THBS3: variants seen among roughly 807,000 people sequenced by gnomAD.
THBS3 encodes the protein thrombospondin-3.
Under a neutral mutation model 118.3 loss-of-function variants are expected in THBS3, and 78 were observed. The observed-to-expected ratio is 0.66, with a 90% CI of 0.55 to 0.80. The LOEUF (loss-of-function observed/expected upper bound fraction) is 0.80, where lower values mean the gene tolerates loss of function less well. THBS3 is among the 30% of genes least tolerant of loss of function. The probability of loss-of-function intolerance (pLI) is 0.00; values close to 1 mark genes in which losing one functional copy is unlikely to be tolerated. For missense variants in THBS3, 1,057 were observed against 1,247.4 expected (o/e 0.85, Z 2.30); for synonymous variants, 427 against 475.3 (o/e 0.90, Z 1.32).
Position 155,201,506 on chromosome 1 carries a change from G to A in THBS3, c.1240C>T (p.Pro414Ser), listed in dbSNP as rs1669725573. 1 of 1,613,770 alleles carries A rather than the reference G, an allele frequency of 6.2e-7. No homozygotes were observed. The highest frequency in any genetic ancestry group is 8.5e-7 in the Non-Finnish European group (1 of 1,179,900). The change falls in exon 11 of 23, where the codon CCA becomes TCA. Residue 414 changes from proline to serine, a missense_variant. Physicochemically the swap from Pro to Ser is moderately conservative, Grantham distance 74 (BLOSUM62 -1). Coordinates refer to ENST00000368378, the MANE Select transcript of THBS3 (RefSeq NM_007112.5). ...GCTGGGCTGTGGCAGGTCCGGGCTG[G>A]GAGGCAGCCCTGGCTCTGGTTGCCC... ...FLGNQSQGCL[P>S]ARTCHSPAHS...
intron 14 of THBS3, 136 bp downstream of exon 14, chr1:155,200,315 A>C: frequency 8.7e-7 from 1 of 1,155,006 alleles, no homozygotes; most frequent in Non-Finnish European, 1.2e-6. Context: ...GCTGCAGGTA[A>C]TCTCTCCTCA....
intron 1 of THBS3, among the ~76,000 whole-genome samples, chr1:155,207,441 G>A (rs914149130): frequency 6.6e-6 from 1 of 151,992 alleles, no homozygotes; most frequent in African/African-American, 2.4e-5. Context: ...AGGAGCCCAG[G>A]GGGACGAAGC....
In THBS3 at chr1:155,197,602, G is replaced by C; in HGVS notation, c.2360C>G (p.Thr787Ser). Residue 787 changes from threonine to serine, a missense_variant, in exon 20 of 23, where the codon ACT (threonine) becomes AGT (serine). Physicochemically the swap from Thr to Ser is moderately conservative, Grantham distance 58. Around this residue, in one of 3 missense-constraint regions of THBS3, gnomAD observed 307 missense variants for 326.1 expected, o/e 0.94. Coordinates refer to ENST00000368378, the MANE Select transcript of THBS3 (RefSeq NM_007112.5). The surrounding 1 kb of genome is among the most constrained non-coding windows in gnomAD (Gnocchi z 5.0). ...FEGTFHVNTVTDDDYAGFLFS... is the reference protein window; with the variant it reads ...FEGTFHVNTVSDDDYAGFLFS... ...GAGAAAGCCTGCGTAGTCATCATCAGTCACTGTGTTCACATGGAAGGTGCC... is the reference window on the plus strand; with the variant it reads ...GAGAAAGCCTGCGTAGTCATCATCACTCACTGTGTTCACATGGAAGGTGCC... 6.2e-7 allele frequency: 1 copy of C among 1,607,036 alleles called. No individual in the cohort carries two copies. Among genetic ancestry groups the C allele is most frequent in the Non-Finnish European group, 8.5e-7 (1 of 1,176,150 alleles).
At chr1:155,199,955 GTA>G in intron 15 of THBS3, 38 bp downstream of exon 15, 1 of 1,607,666 alleles carries the variant, frequency 6.2e-7, no homozygotes, top group Non-Finnish European at 8.5e-7. Context: ...TCATCCATCA[GTA>G]CCCTCATCCC....
At chr1:155,201,271 G>T in intron 11 of THBS3, 67 bp from the exon 12 acceptor site, 1 of 1,602,822 alleles carries the variant, frequency 6.2e-7, no homozygotes, top group Non-Finnish European at 8.5e-7. Flanking sequence ...TATTTTCCCT[G>T]CTTCAGGTCC....
In THBS3 at chr1:155,203,022, G is replaced by C; in HGVS notation, c.809-62C>G. ...ACTATTTAAGCCACCAGAAGGGAAA[G>C]CCAAAGCCATTGGGTGGGGAACGTG... On this transcript the variant is annotated intron_variant, in intron 7 of 22. Transcript: ENST00000368378. The C allele has an allele frequency of 1.9e-6, 3 of 1,614,034 alleles. No individual in the cohort carries two copies. In the South Asian group the frequency reaches 3.3e-5, roughly 18 times the overall value.
chr1:155,198,261 A>G (rs372731248), intron 17 of THBS3, 41 bp from the exon 18 acceptor site: 8 of 1,608,610 alleles, frequency 5.0e-6, no homozygotes, highest in Non-Finnish European at 6.8e-6. Flanking sequence ...GGCCCTGGCC[A>G]CTGCCATTAG....
At position 155,198,474 on chromosome 1, in the gene THBS3, TCTG is replaced by T; in HGVS notation, c.2006_2008del (p.Pro669_Asp670delinsHis). On this transcript the variant is annotated inframe_deletion, in exon 17 of 23. Transcript: ENST00000368378. The stretch of plus-strand genomic sequence containing the variant: ...GTTATCGGGACCAGGAGGCACATAA[TCTG>T]GGATGCCATCATTGTCATCATCCCC... The T allele has an allele frequency of 6.2e-7, 1 of 1,614,218 alleles. No individual in the cohort carries two copies. Among genetic ancestry groups the T allele is most frequent in the South Asian group, 1.1e-5 (1 of 91,088 alleles).
intron 16 of THBS3, 113 bp from the exon 17 acceptor site, chr1:155,198,715 A>T: frequency 9.4e-7 from 1 of 1,066,172 alleles, no homozygotes; most frequent in Non-Finnish European, 1.4e-6. Flanking sequence ...GACCCCTGGC[A>T]GTCAGCCAGG....
chr1:155,207,355 C>G (rs560669356), intron 1 of THBS3, among the ~76,000 whole-genome samples: 1 of 152,240 alleles, frequency 6.6e-6, no homozygotes, highest in South Asian at 2.1e-4. Context: ...CCACATCCAT[C>G]GGCCCATCCC....
At chr1:155,207,996 T>C, upstream of THBS3, 1 of 364,206 alleles carries the variant, frequency 2.7e-6, no homozygotes, top group Non-Finnish European at 5.1e-6. Flanking sequence ...AGCAGGCGGG[T>C]GAGGGGGGGC....
Position 155,201,969 on chromosome 1 carries a change from G to A in THBS3, c.1164C>T (p.Cys388=). Reference sequence around the variant, plus strand: ...ATATTCAGCTCACCACAGTGTTGGTGCAGATGGAGTTTGGGTCACAGCCAC... The same window carrying A: ...ATATTCAGCTCACCACAGTGTTGGTACAGATGGAGTTTGGGTCACAGCCAC... ...NNGGCDPNSI[C]TNTVGSFKCG... The change falls in exon 10 of 23, where the codon TGC becomes TGT. Residue 388 remains cysteine, a synonymous_variant. Coordinates refer to ENST00000368378, the MANE Select transcript of THBS3 (RefSeq NM_007112.5). The A allele has an allele frequency of 6.2e-7, 1 of 1,614,036 alleles. No homozygotes were observed. Among genetic ancestry groups the A allele is most frequent in the African/African-American group, 1.3e-5 (1 of 75,024 alleles).
At chr1:155,207,314 A>G (rs1456910834) in intron 1 of THBS3, among the ~76,000 whole-genome samples, 2 of 152,102 alleles carry the variant, frequency 1.3e-5, no homozygotes, top group African/African-American at 4.8e-5. Context: ...TAAAGAATCT[A>G]TGCCTGTGTC....
chr1:155,203,000 A>G lies in THBS3; in HGVS notation c.809-40T>C, dbSNP rs753828811. 1.2e-6 allele frequency: 2 copies of G among 1,613,406 alleles called. No individual in the cohort carries two copies. The highest frequency in any genetic ancestry group is 1.7e-4 in the Middle Eastern group (1 of 6,060). ...CAGTCAGAGCTACCCGGTGGTCACT[A>G]TTTAAGCCACCAGAAGGGAAAGCCA... On this transcript the variant is annotated intron_variant, in intron 7 of 22. Coordinates refer to ENST00000368378, the MANE Select transcript of THBS3 (RefSeq NM_007112.5). The surrounding 1 kb of genome is among the most constrained non-coding windows in gnomAD (Gnocchi z 5.5).
intron 10 of THBS3, 42 bp from the exon 11 acceptor site, chr1:155,201,611 C>T: frequency 1.9e-6 from 3 of 1,594,230 alleles, no homozygotes; most frequent in East Asian, 2.3e-5. Context: ...AGGGTGAGCC[C>T]ACCAGGCACC....
At position 155,197,920 on chromosome 1, in the gene THBS3, T is replaced by C; in HGVS notation, c.2262A>G (p.Glu754=). The C allele has an allele frequency of 6.2e-7, 1 of 1,614,028 alleles. No homozygotes were observed. The highest frequency in any genetic ancestry group is 1.1e-5 in the South Asian group (1 of 91,074). ...PNWVVLNQGM[E]IVQTMNSDPG... The stretch of plus-strand genomic sequence containing the variant: ...GGTCACTGTTCATGGTCTGAACGAT[T>C]TCCATGCCCTGGGGTTGTATAGTAA... Residue 754 remains glutamate, a synonymous_variant, in exon 19 of 23, where the codon GAA becomes GAG. Transcript: ENST00000368378. This position sits in a 1 kb window ranked among gnomAD's most constrained non-coding sequence, Gnocchi z 5.0.
In THBS3 at chr1:155,201,452, A is replaced by C. The variant is rs1669714693; in HGVS notation, c.1294T>G (p.Cys432Gly). The change falls in exon 11 of 23, where the codon TGT becomes GGT. Residue 432 changes from cysteine (C) to glycine (G), a missense_variant. Around this residue, in one of 3 missense-constraint regions of THBS3, gnomAD observed 544 missense variants for 715.6 expected, o/e 0.76. Coordinates refer to ENST00000368378, the MANE Select transcript of THBS3 (RefSeq NM_007112.5). ...ACTGCACCATTGCGTTCAAAGAGAC[A>C]GTGAGCATGGATGTGGCAGGGGCTG... ...AHSPCHIHAH[C>G]LFERNGAVSC... 1 of 1,612,522 alleles carries C rather than the reference A, an allele frequency of 6.2e-7. No individual in the cohort carries two copies. Among genetic ancestry groups the C allele is most frequent in the Non-Finnish European group, 8.5e-7 (1 of 1,179,242 alleles).
chr1:155,199,766 AAAAAG>A (rs1316112697), intron 16 of THBS3, 33 bp downstream of exon 16: 1 of 1,612,598 alleles, frequency 6.2e-7, no homozygotes, highest in African/African-American at 1.3e-5. Flanking sequence ...GAAAGACAAA[AAAAAG>A]AAAGACCTTG....
At chr1:155,200,768 G>T (rs544939253) in intron 13 of THBS3, 129 bp downstream of exon 13, 3 of 1,578,898 alleles carry the variant, frequency 1.9e-6, no homozygotes, top group Non-Finnish European at 2.6e-6. Flanking sequence ...TCCTGGGCAC[G>T]AGGTTTTTGC....
Sources: allele counts gnomAD v4.1 joint callset (sites outside exome capture counted in the v4.1 genomes callset), GRCh38; gene constraint gnomAD v4.1.1; regional missense constraint gnomAD v4.1.1; non-coding constraint Gnocchi (gnomAD v3.1); transcripts MANE v1.5; gene names NCBI Gene and HGNC (gene_info 2026-07-23, HGNC 2026-07-21).